The following MGMT variants were observed in gnomAD, a reference collection of about 807,000 sequenced individuals.
MGMT encodes the protein methylated-DNA--protein-cysteine methyltransferase.
A neutral mutation model predicts 15.9 loss-of-function variants in MGMT; 14 were observed. That is an observed-to-expected ratio of 0.88 (90% CI 0.58 to 1.37). The LOEUF is 1.37. MGMT is among the 40% of genes most tolerant of loss of function. The pLI is 0.00. For synonymous variants in MGMT, 130 were observed against 118.2 expected (o/e 1.10, Z -0.65); for missense variants, 282 against 268.1 (o/e 1.05, Z -0.36).
chr10:129,608,127 C>T (rs1249179450), intron 2 of MGMT, among the ~76,000 whole-genome samples: 1 of 152,166 alleles, frequency 6.6e-6, no homozygotes, highest in Non-Finnish European at 1.5e-5. Flanking sequence ...GGGTATAGTA[C>T]ATGTTTATAA....
intron 2 of MGMT, among the ~76,000 whole-genome samples, chr10:129,576,253 T>C (rs1375334429): frequency 6.6e-6 from 1 of 152,170 alleles, no homozygotes; most frequent in African/African-American, 2.4e-5. Context: ...TTTAGACCAA[T>C]ATCCTTGATG....
intron 2 of MGMT, among the ~76,000 whole-genome samples, chr10:129,608,561 T>TA (rs902047295): frequency 1.3e-5 from 2 of 152,268 alleles, no homozygotes; most frequent in African/African-American, 2.4e-5. Context: ...CTTTTTATCT[T>TA]ACGCTTAAAA....
At chr10:129,468,106 G>A (rs1292823923) in intron 1 of MGMT, among the ~76,000 whole-genome samples, 3 of 152,098 alleles carry the variant, frequency 2.0e-5, no homozygotes, top group African/African-American at 7.2e-5. Flanking sequence ...AGAGAGCTGA[G>A]AATTAGACTG....
chr10:129,594,927 C>G (rs1006723339), intron 2 of MGMT, among the ~76,000 whole-genome samples: 6 of 152,202 alleles, frequency 3.9e-5, no homozygotes, highest in Non-Finnish European at 7.3e-5. Flanking sequence ...CGCCATCAAC[C>G]TGCCAGGCTG....
At chr10:129,542,376 T>C (rs1241591282) in intron 2 of MGMT, among the ~76,000 whole-genome samples, 2 of 152,174 alleles carry the variant, frequency 1.3e-5, no homozygotes, top group African/African-American at 4.8e-5. Flanking sequence ...AGAACCTTCC[T>C]GGGAACTTCA....
chr10:129,624,508 A>G (rs1847124627), intron 2 of MGMT, among the ~76,000 whole-genome samples: 1 of 152,216 alleles, frequency 6.6e-6, no homozygotes, highest in South Asian at 2.1e-4. Context: ...CATTAGGGGA[A>G]TAGATTGTAA....
chr10:129,571,019 G>A (rs559358179), intron 2 of MGMT, among the ~76,000 whole-genome samples: 15 of 152,178 alleles, frequency 9.9e-5, no homozygotes, highest in East Asian at 7.7e-4. Flanking sequence ...TAATCTCTTC[G>A]GCTGTGAAAT....
At chr10:129,757,443 G>A (rs544977794) in intron 3 of MGMT, among the ~76,000 whole-genome samples, 22 of 152,254 alleles carry the variant, frequency 1.4e-4, no homozygotes, top group African/African-American at 4.3e-4. Context: ...GTTCCAGGCC[G>A]TTCTCCCAGA....
intron 4 of MGMT, among the ~76,000 whole-genome samples, chr10:129,765,305 C>G (rs1589982986): frequency 6.6e-6 from 1 of 152,316 alleles, no homozygotes; most frequent in East Asian, 1.9e-4. Flanking sequence ...TCCTGGGAAG[C>G]CATTCTGGAG....
chr10:129,746,493 T>G (rs1848697967), intron 3 of MGMT, among the ~76,000 whole-genome samples: 1 of 152,150 alleles, frequency 6.6e-6, no homozygotes, highest in Non-Finnish European at 1.5e-5. Flanking sequence ...TTTGTTTAAG[T>G]AAGTCATGAG....
intron 2 of MGMT, among the ~76,000 whole-genome samples, chr10:129,568,910 T>G (rs509017): frequency 0.41 from 62,066 of 152,154 alleles, 13,313 homozygotes; most frequent in East Asian, 0.63. Flanking sequence ...AATCCAGGTT[T>G]TCAAAGCATT....
At chr10:129,517,718 T>C (rs910849940) in intron 1 of MGMT, among the ~76,000 whole-genome samples, 2 of 152,214 alleles carry the variant, frequency 1.3e-5, no homozygotes, top group African/African-American at 4.8e-5. Context: ...TCTGGGGCCC[T>C]GTTTGCTCAG....
At chr10:129,646,171 G>A (rs1006883751) in intron 2 of MGMT, among the ~76,000 whole-genome samples, 2 of 152,158 alleles carry the variant, frequency 1.3e-5, no homozygotes, top group African/African-American at 4.8e-5. Context: ...GATGGCGGAA[G>A]GGAAGGCAGA....
At chr10:129,681,896 AAAAT>A (rs1289713164) in intron 2 of MGMT, among the ~76,000 whole-genome samples, 1 of 152,194 alleles carries the variant, frequency 6.6e-6, no homozygotes, top group Non-Finnish European at 1.5e-5. Flanking sequence ...CAAAAATAAG[AAAAT>A]AAACATTCCA....
chr10:129,726,512 C>T (rs1848436321), intron 3 of MGMT, among the ~76,000 whole-genome samples: 1 of 152,206 alleles, frequency 6.6e-6, no homozygotes, highest in Non-Finnish European at 1.5e-5. Context: ...AGTGTTTTGT[C>T]TGATTCTTCA....
At chr10:129,604,758 G>A (rs1343738184) in intron 2 of MGMT, among the ~76,000 whole-genome samples, 1 of 106,474 alleles carries the variant, frequency 9.4e-6, no homozygotes, top group Non-Finnish European at 1.9e-5. Context: ...CCGGCTTTCA[G>A]GCTGTGACCT....
intron 1 of MGMT, among the ~76,000 whole-genome samples, chr10:129,526,088 G>A (rs986011492): frequency 6.6e-6 from 1 of 152,204 alleles, no homozygotes; most frequent in Non-Finnish European, 1.5e-5. Context: ...AATCCACGGG[G>A]AGACCCCTGG....
chr10:129,764,646 T>C (rs188100097), intron 4 of MGMT, among the ~76,000 whole-genome samples: 377 of 152,276 alleles, frequency 2.5e-3, no homozygotes, highest in Middle Eastern at 3.4e-3. Flanking sequence ...TGGGCAGAAA[T>C]CATTTCTCTG....
chr10:129,628,274 T>G (rs2133080719), intron 2 of MGMT, among the ~76,000 whole-genome samples: 1 of 152,366 alleles, frequency 6.6e-6, no homozygotes, highest in African/African-American at 2.4e-5. Flanking sequence ...TGTAAATTAT[T>G]TTTCCAAAAG....
Sources: allele counts gnomAD v4.1 joint callset (sites outside exome capture counted in the v4.1 genomes callset), GRCh38; gene constraint gnomAD v4.1.1; transcripts MANE v1.5; gene names NCBI Gene and HGNC (gene_info 2026-07-23, HGNC 2026-07-21).